Variants in GTPBP4 observed in about 807,000 individuals in gnomAD.
GTPBP4 encodes GTP binding protein 4.
Under a neutral mutation model 81.7 loss-of-function variants are expected in GTPBP4, and 15 were observed. The ratio of observed to expected loss-of-function variants is 0.18; its 90% CI spans 0.12 to 0.28. GTPBP4 has a LOEUF of 0.28. Ranked by LOEUF, GTPBP4 falls within the 10% of genes least tolerant of loss-of-function variation. GTPBP4 has a pLI of 1.00. For missense variants in GTPBP4, 847 were observed against 793.8 expected (o/e 1.07, Z -0.81); for synonymous variants, 272 against 274.6 (o/e 0.99, Z 0.09).
chr10:1,002,561 T>C (rs1271416796), intron 8 of GTPBP4, among the ~76,000 whole-genome samples: 1 of 152,248 alleles, frequency 6.6e-6, no homozygotes, highest in Non-Finnish European at 1.5e-5. Flanking sequence ...CTTCCAGATG[T>C]AGGACTTTCT....
intron 1 of GTPBP4, among the ~76,000 whole-genome samples, chr10:989,813 T>A (rs1040425872): frequency 2.6e-5 from 4 of 152,192 alleles, no homozygotes; most frequent in African/African-American, 9.7e-5. Flanking sequence ...TGATCCTGAC[T>A]GCAGCCACCG....
Position 1,019,492 on chromosome 10 carries a change from A to G in GTPBP4, c.*2265A>G, listed in dbSNP as rs766025081. 1.8e-5 allele frequency: 28 copies of G among 1,587,772 alleles called. No individual in the cohort carries two copies. In the Admixed American group the frequency reaches 2.0e-4, roughly 12 times the overall value. On this transcript the variant is annotated 3_prime_UTR_variant, in exon 17 of 17. Transcript: ENST00000360803. ...TCTGCCTGCACTGAGGGCATTACAC[A>G]TGGCTGACTCGACCTCCCTGCCTCT...
At chr10:997,362 T>TA (rs1351277019) in intron 5 of GTPBP4, 54 bp downstream of exon 5, 233 of 967,354 alleles carry the variant, frequency 2.4e-4, no homozygotes, top group Non-Finnish European at 2.2e-5. Context: ...ACGTCAGTGT[T>TA]ACTGTATTCT....
Position 1,010,462 on chromosome 10 carries a change from T to C in GTPBP4, c.1286T>C (p.Ile429Thr). 6.3e-7 allele frequency: 1 copy of C among 1,583,032 alleles called. No homozygotes were observed. Among genetic ancestry groups the C allele is most frequent in the Non-Finnish European group, 8.7e-7 (1 of 1,151,696 alleles). ...LMNLSEKHDK[I>T]PEIWEGHNIA... is the part of the protein sequence containing the mutation. Reference sequence around the variant, plus strand: ...AATTTGTCTGAAAAACATGATAAGATACCAGAAATCTGGGAAGGCCATAAT... The same window carrying C: ...AATTTGTCTGAAAAACATGATAAGACACCAGAAATCTGGGAAGGCCATAAT... The change falls in exon 13 of 17, where the codon ATA becomes ACA. Residue 429 changes from isoleucine to threonine, a missense_variant. Transcript: ENST00000360803.
chr10:995,968 T>C lies in GTPBP4; in HGVS notation c.259T>C (p.Tyr87His). 2 of 1,611,866 alleles carry C rather than the reference T, an allele frequency of 1.2e-6. No homozygotes were observed. Among genetic ancestry groups the C allele is most frequent in the Non-Finnish European group, 1.7e-6 (2 of 1,177,902 alleles). ...PFYADLMNIL[Y>H]DKDHYKLALG... ...CTATGCTGATTTGATGAATATTCTC[T>C]ACGACAAGGATCATTACAAGTTGGC... The change falls in exon 3 of 17, where the codon TAC becomes CAC. Residue 87 changes from tyrosine (Y) to histidine (H), a missense_variant. Around this residue, in one of 3 missense-constraint regions of GTPBP4, gnomAD observed 241 missense variants for 216.3 expected, o/e 1.11. Transcript: ENST00000360803.
At position 1,017,282 on chromosome 10, in the gene GTPBP4, G is replaced by A; in HGVS notation, c.*55G>A. 6.7e-7 allele frequency: 1 copy of A among 1,495,484 alleles called. No homozygotes were observed. The highest frequency in any genetic ancestry group is 9.2e-7 in the Non-Finnish European group (1 of 1,082,356). 92.6% of individuals were successfully genotyped at this position (1,495,484 alleles called of 1,614,324 possible). A position where few individuals can be genotyped will look rare whatever the true frequency, so the allele number is the denominator to read the frequency against. Reference sequence around the variant, plus strand: ...AGTGTTGCTGTTTATTTCCTGGTTTGGCACAGTATGGTTTCATGAAATTGG... The same window carrying A: ...AGTGTTGCTGTTTATTTCCTGGTTTAGCACAGTATGGTTTCATGAAATTGG... On this transcript the variant is annotated 3_prime_UTR_variant, in exon 17 of 17. Transcript: ENST00000360803.
chr10:988,522 G>C lies in GTPBP4; in HGVS notation c.43G>C (p.Ala15Pro). 6.2e-7 allele frequency: 1 copy of C among 1,611,734 alleles called. No homozygotes were observed. The highest frequency in any genetic ancestry group is 1.1e-5 in the South Asian group (1 of 90,972). ...CAAGAAAATTACGGTGGTGCCGTCC[G>C]CCAAGGTAGGCGGCCCCGGGAGGGC... ...NFKKITVVPS[A>P]KDFIDLTLSK... Residue 15 changes from alanine to proline, a missense_variant, in exon 1 of 17, where the codon GCC becomes CCC. Physicochemically the swap from Ala to Pro is conservative, Grantham distance 27 (BLOSUM62 -1). Around this residue, in one of 3 missense-constraint regions of GTPBP4, gnomAD observed 241 missense variants for 216.3 expected, o/e 1.11. Coordinates refer to ENST00000360803, the MANE Select transcript of GTPBP4 (RefSeq NM_012341.3).
At chr10:992,832 G>T (rs1189434149) in intron 2 of GTPBP4, among the ~76,000 whole-genome samples, 173 bp downstream of exon 2, 2 of 152,244 alleles carry the variant, frequency 1.3e-5, no homozygotes, top group South Asian at 2.1e-4. Flanking sequence ...AGTGAGAACA[G>T]AATTTGGGTT....
intron 2 of GTPBP4, among the ~76,000 whole-genome samples, chr10:995,343 C>T (rs749007561): frequency 2.6e-5 from 4 of 151,848 alleles, no homozygotes; most frequent in East Asian, 3.9e-4. Flanking sequence ...ATGGCCAGCC[C>T]GCAGCGTTTC....
rs1337845870 is a variant in GTPBP4, at chr10:998,920, C to T, written c.562-83C>T. The T allele has an allele frequency of 6.3e-6, 5 of 799,414 alleles. No individual in the cohort carries two copies. The Admixed American group carries it at 9.0e-5, about 14-fold the overall frequency. The allele number at this position is 799,414 out of a possible 1,614,324, so 49.5% of individuals were successfully genotyped here. On this transcript the variant is annotated intron_variant, in intron 5 of 16. Coordinates refer to ENST00000360803, the MANE Select transcript of GTPBP4 (RefSeq NM_012341.3). Reference sequence around the variant, plus strand: ...GTTTCTTCTATGGTTATTTCCTACCCAAAATCAGTCTTGTTAAAACACACA... The same window carrying T: ...GTTTCTTCTATGGTTATTTCCTACCTAAAATCAGTCTTGTTAAAACACACA...
chr10:990,684 C>T (rs548972423), intron 1 of GTPBP4, among the ~76,000 whole-genome samples: 19 of 142,906 alleles, frequency 1.3e-4, no homozygotes, highest in African/African-American at 4.0e-4. Flanking sequence ...ACCGAGATCG[C>T]GCCACTGCAC....
rs947499768 is a variant in GTPBP4, at chr10:992,839, G to A, written c.219+180G>A. ...TTTATAAAAGTGAGAACAGAATTTG[G>A]GTTTTTTGATTCCCTAGTATTCTTT... On this transcript the variant is annotated intron_variant, in intron 2 of 16. Transcript: ENST00000360803. Among the ~76,000 whole-genome samples the A allele has an allele frequency of 2.0e-4, 30 of 152,162 alleles. 1 individual carries two copies. The highest frequency in any genetic ancestry group is 4.4e-5 in the Non-Finnish European group (3 of 68,032).
intron 8 of GTPBP4, 38 bp downstream of exon 8, chr10:1,001,051 C>T (rs896768991): frequency 2.1e-6 from 3 of 1,424,018 alleles, no homozygotes; most frequent in Admixed American, 3.4e-5. Context: ...TCTTACTTAC[C>T]AATTCTGAAT....
intron 4 of GTPBP4, chr10:996,880 G>A: frequency 3.4e-6 from 1 of 296,660 alleles, no homozygotes; most frequent in South Asian, 3.7e-5. Context: ...AAGTGCACTG[G>A]TTCCCTAATG....
Position 1,012,675 on chromosome 10 carries a change from CTT to C in GTPBP4, c.1542+15_1542+16del, listed in dbSNP as rs1432873375. 2 of 1,594,264 alleles carry C rather than the reference CTT, an allele frequency of 1.3e-6. No individual in the cohort carries two copies. Among genetic ancestry groups the C allele is most frequent in the Admixed American group, 3.4e-5 (2 of 58,460 alleles). On this transcript the variant is annotated intron_variant, in intron 14 of 16. Coordinates refer to ENST00000360803, the MANE Select transcript of GTPBP4 (RefSeq NM_012341.3). ...AACTGCTAAGAAGGCAAGTTTGTGT[CTT>C]TCCAAAGCAGTGTGATCTAGTTTTT...
intron 8 of GTPBP4, among the ~76,000 whole-genome samples, chr10:1,002,523 G>C (rs557910168): frequency 1.3e-5 from 2 of 152,150 alleles, no homozygotes; most frequent in African/African-American, 4.8e-5. Context: ...ACTTTTTCAT[G>C]TTTTCATGAT....
At position 1,005,923 on chromosome 10, in the gene GTPBP4, A is replaced by T. The variant is rs776800400; in HGVS notation, c.1002+16A>T. The T allele has an allele frequency of 5.3e-5, 70 of 1,310,470 alleles. No homozygotes were observed. Among genetic ancestry groups the T allele is most frequent in the Non-Finnish European group, 7.4e-5 (69 of 931,124 alleles). 81.2% of individuals were successfully genotyped at this position (1,310,470 alleles called of 1,614,324 possible). ...TAAAACAGAGGTCAGTGCTGCCTTAAGTCAGGTATTAGTCTTTTTACTGTC... is the reference window on the plus strand; with the variant it reads ...TAAAACAGAGGTCAGTGCTGCCTTATGTCAGGTATTAGTCTTTTTACTGTC... On this transcript the variant is annotated intron_variant, in intron 9 of 16. Coordinates refer to ENST00000360803, the MANE Select transcript of GTPBP4 (RefSeq NM_012341.3).
chr10:990,090 A>G (rs561576862), intron 1 of GTPBP4, among the ~76,000 whole-genome samples: 1 of 152,276 alleles, frequency 6.6e-6, no homozygotes, highest in South Asian at 2.1e-4. Flanking sequence ...TTTTTGGTCA[A>G]CCATCTCTCA....
intron 1 of GTPBP4, chr10:989,011 T>G (rs937939473): frequency 3.2e-5 from 5 of 156,676 alleles, no homozygotes; most frequent in South Asian, 1.7e-4. Context: ...ACTGTTAGAT[T>G]TGGGAATACC....
Sources: allele counts gnomAD v4.1 joint callset (sites outside exome capture counted in the v4.1 genomes callset), GRCh38; gene constraint gnomAD v4.1.1; regional missense constraint gnomAD v4.1.1; transcripts MANE v1.5; gene names NCBI Gene and HGNC (gene_info 2026-07-23, HGNC 2026-07-21).